The following TAS2R1 variants were observed in gnomAD, a reference collection of about 807,000 sequenced individuals.
TAS2R1 encodes the protein taste 2 receptor member 1.
For missense variants in TAS2R1, 370 were observed against 353.4 expected, an observed-to-expected ratio of 1.05 and a Z score of -0.38; for synonymous variants, 141 against 134.2, an observed-to-expected ratio of 1.05 and a Z score of -0.35.
At chr5:9,694,567 G>T (rs1741321144) in intron 1 of TAS2R1, among the ~76,000 whole-genome samples, 1 of 152,194 alleles carries the variant, frequency 6.6e-6, no homozygotes, top group East Asian at 1.9e-4. Flanking sequence ...CAATCTGTGA[G>T]AGAAAAATGT....
At chr5:9,898,329 A>T in the TAS2R1 span, among the ~76,000 whole-genome samples, 1 of 152,182 alleles carries the variant, frequency 6.6e-6, no homozygotes, top group Non-Finnish European at 1.5e-5. Context: ...ATGGCACAAT[A>T]ATCTAATCTT....
the TAS2R1 span, among the ~76,000 whole-genome samples, chr5:9,729,250 C>T: frequency 6.6e-6 from 1 of 152,098 alleles, no homozygotes; most frequent in African/African-American, 2.4e-5. Flanking sequence ...CATCTCTCAC[C>T]CCCTAGGGGC....
At chr5:9,771,366 C>T in the TAS2R1 span, among the ~76,000 whole-genome samples, 2 of 152,172 alleles carry the variant, frequency 1.3e-5, no homozygotes, top group African/African-American at 4.8e-5. Context: ...TGGGATAAAT[C>T]ATCCTTGATT....
At chr5:9,886,042 T>C in the TAS2R1 span, among the ~76,000 whole-genome samples, 1 of 151,388 alleles carries the variant, frequency 6.6e-6, no homozygotes, top group Non-Finnish European at 1.5e-5. Flanking sequence ...TCTTTTTTTT[T>C]TTTTTTGGAG....
At chr5:9,751,589 T>C in the TAS2R1 span, among the ~76,000 whole-genome samples, 6 of 152,168 alleles carry the variant, frequency 3.9e-5, no homozygotes, top group Non-Finnish European at 8.8e-5. Flanking sequence ...TACCCCAAAA[T>C]AAGGATTCCC....
intron 1 of TAS2R1, among the ~76,000 whole-genome samples, chr5:9,709,581 A>G (rs1741690891): frequency 1.3e-5 from 2 of 152,178 alleles, no homozygotes; most frequent in South Asian, 4.1e-4. Flanking sequence ...ATGATAAAAG[A>G]CACTGTGGCT....
At chr5:9,703,802 A>C (rs1741541728) in intron 1 of TAS2R1, among the ~76,000 whole-genome samples, 1 of 152,198 alleles carries the variant, frequency 6.6e-6, no homozygotes, top group African/African-American at 2.4e-5. Flanking sequence ...ATAAGGAGGC[A>C]GGACTGGATG....
chr5:9,718,176 G>A, the TAS2R1 span, among the ~76,000 whole-genome samples: 14 of 145,528 alleles, frequency 9.6e-5, no homozygotes, highest in Non-Finnish European at 2.0e-4. Context: ...TCGCCGTGTT[G>A]GCCAGGATCG....
chr5:9,834,159 T>C, the TAS2R1 span, among the ~76,000 whole-genome samples: 1 of 152,118 alleles, frequency 6.6e-6, no homozygotes, highest in Non-Finnish European at 1.5e-5. Context: ...AGCAGAACTG[T>C]TTCTGCGTCA....
chr5:9,835,379 T>C, the TAS2R1 span, among the ~76,000 whole-genome samples: 12 of 152,224 alleles, frequency 7.9e-5, no homozygotes, highest in African/African-American at 2.9e-4. Flanking sequence ...ATACATTCAG[T>C]GTCAGGTGAC....
chr5:9,644,137 T>C (rs973128004), intron 2 of TAS2R1, among the ~76,000 whole-genome samples: 10 of 152,246 alleles, frequency 6.6e-5, no homozygotes, highest in Non-Finnish European at 8.8e-5. Context: ...ATTGAAGTGT[T>C]TGGGTGAGGG....
chr5:9,753,259 T>C, the TAS2R1 span, among the ~76,000 whole-genome samples: 24 of 152,252 alleles, frequency 1.6e-4, no homozygotes, highest in African/African-American at 5.1e-4. Context: ...TTTGAGATGG[T>C]ATCTCATTGT....
At chr5:9,810,325 A>G in the TAS2R1 span, among the ~76,000 whole-genome samples, 4 of 152,178 alleles carry the variant, frequency 2.6e-5, no homozygotes, top group Non-Finnish European at 5.9e-5. Context: ...CTTGACTTCT[A>G]TGTGTCTCCT....
the TAS2R1 span, among the ~76,000 whole-genome samples, chr5:9,898,633 C>CAG: frequency 6.6e-6 from 1 of 152,182 alleles, no homozygotes; most frequent in Non-Finnish European, 1.5e-5. Flanking sequence ...TGCAAGGTCC[C>CAG]AGGTCTTGGC....
the TAS2R1 span, among the ~76,000 whole-genome samples, chr5:9,896,134 G>A: frequency 1.3e-5 from 2 of 152,146 alleles, no homozygotes; most frequent in Non-Finnish European, 2.9e-5. Flanking sequence ...TAGCTTCCCC[G>A]CCTCCCCAGG....
At chr5:9,711,555 C>A (rs1225330553) in intron 1 of TAS2R1, among the ~76,000 whole-genome samples, 3 of 152,132 alleles carry the variant, frequency 2.0e-5, no homozygotes, top group African/African-American at 7.2e-5. Flanking sequence ...GAGTTTCAGT[C>A]ACGCAAGAGA....
At chr5:9,852,279 GT>G in the TAS2R1 span, among the ~76,000 whole-genome samples, 8 of 147,278 alleles carry the variant, frequency 5.4e-5, no homozygotes, top group Admixed American at 2.0e-4. Context: ...TCCACTAGTT[GT>G]TTTTTTTTTC....
At chr5:9,724,794 CAG>C in the TAS2R1 span, among the ~76,000 whole-genome samples, 1 of 152,210 alleles carries the variant, frequency 6.6e-6, no homozygotes, top group Non-Finnish European at 1.5e-5. Context: ...ACACTGGGAG[CAG>C]AGTCAGAAAG....
chr5:9,799,216 C>T, the TAS2R1 span, among the ~76,000 whole-genome samples: 1 of 152,336 alleles, frequency 6.6e-6, no homozygotes, highest in East Asian at 1.9e-4. Flanking sequence ...TAAGGGGCCA[C>T]CCTAGTTCAA....
Sources: gnomAD v4.1 joint callset for allele counts (sites outside exome capture counted in the v4.1 genomes callset) on GRCh38, gnomAD v4.1.1 for gene constraint, MANE v1.5 for transcripts, NCBI Gene and HGNC (gene_info 2026-07-23, HGNC 2026-07-21) for gene names.